IL6ST: variants seen among roughly 807,000 people sequenced by gnomAD.
IL6ST encodes interleukin-6 receptor subunit beta.
IL6ST carries 24 observed loss-of-function variants against 91.3 expected under a neutral mutation model. The observed-to-expected ratio is 0.26, with a 90% confidence interval of 0.19 to 0.37. The LOEUF (loss-of-function observed/expected upper bound fraction) is 0.37, where lower values mean the gene tolerates loss of function less well. IL6ST is among the 10% of genes least tolerant of loss of function. The probability of loss-of-function intolerance (pLI) is 1.00; values close to 1 mark genes in which losing one functional copy is unlikely to be tolerated. For missense variants in IL6ST, 914 were observed against 1,078.5 expected (o/e 0.85, Z 2.14); for synonymous variants, 351 against 373.6 (o/e 0.94, Z 0.70).
At chr5:55,955,943 T>G in intron 10 of IL6ST, 82 bp downstream of exon 10, 1 of 813,976 alleles carries the variant, frequency 1.2e-6, no homozygotes, top group South Asian at 1.5e-5. Flanking sequence ...CTTAGATAAC[T>G]TGTGTTTTTT....
intron 15 of IL6ST, among the ~76,000 whole-genome samples, chr5:55,947,165 C>G (rs538049380): frequency 1.6e-4 from 24 of 152,236 alleles, no homozygotes; most frequent in Admixed American, 3.3e-4. Flanking sequence ...CACCACTGCA[C>G]TCCATCCTGG....
Position 55,970,508 on chromosome 5 carries a change from G to A in IL6ST, c.65-653C>T, listed in dbSNP as rs1313851952. 5.9e-5 allele frequency among the ~76,000 whole-genome samples: 9 copies of A among 152,164 alleles called. No individual in the cohort carries two copies. The East Asian group carries it at 9.7e-4, about 16-fold the overall frequency. On this transcript the variant is annotated intron_variant, in intron 3 of 16. Transcript: ENST00000381298. ...TTGAAACCAGCTTGGGCAACATAGG[G>A]AGATGCCATCTGTACTAAAAACAAA...
At chr5:55,960,690 C>T (rs1752258741) in intron 7 of IL6ST, 129 bp from the exon 8 acceptor site, 17 of 723,062 alleles carry the variant, frequency 2.4e-5, no homozygotes, top group Admixed American at 9.4e-5. Context: ...TGCAGTGGTG[C>T]GATCTTGGCT....
chr5:55,948,286 G>A (rs1322342682), intron 14 of IL6ST, among the ~76,000 whole-genome samples: 1 of 152,106 alleles, frequency 6.6e-6, no homozygotes, highest in African/African-American at 2.4e-5. Context: ...CACTAATTGG[G>A]ATAATTAACA....
intron 2 of IL6ST, among the ~76,000 whole-genome samples, chr5:55,977,599 G>A (rs13183065): frequency 0.12 from 18,527 of 152,124 alleles, 1,213 homozygotes; most frequent in Middle Eastern, 0.15. Flanking sequence ...GCCGAGGTGG[G>A]CAGATCACTT....
intron 4 of IL6ST, 95 bp downstream of exon 4, chr5:55,969,455 C>T: frequency 1.2e-6 from 1 of 829,856 alleles, no homozygotes; most frequent in Non-Finnish European, 1.8e-6. Flanking sequence ...ACTAAGTCCA[C>T]AAGTTACTAC....
chr5:55,951,564 G>C lies in IL6ST; in HGVS notation c.1740C>G (p.Ser580=). Reference sequence around the variant, plus strand: ...TGTACAATGTGTCACTAGTCAAAGAGGACAATGTATATTCTGTGTGGGAAG... The same window carrying C: ...TGTACAATGTGTCACTAGTCAAAGACGACAATGTATATTCTGTGTGGGAAG... ...VDSSHTEYTL[S]SLTSDTLYMV... Residue 580 remains serine (S), a synonymous_variant, in exon 14 of 17, where the codon TCC becomes TCG. Transcript: ENST00000381298. The C allele has an allele frequency of 1.2e-6, 2 of 1,612,376 alleles. No individual in the cohort carries two copies. Among genetic ancestry groups the C allele is most frequent in the Non-Finnish European group, 8.5e-7 (1 of 1,178,556 alleles).
chr5:55,974,850 T>G (rs780992116), intron 3 of IL6ST, among the ~76,000 whole-genome samples: 5 of 151,746 alleles, frequency 3.3e-5, no homozygotes, highest in Admixed American at 6.6e-5. Context: ...TTATCACCAT[T>G]TCATAGATCA....
intron 15 of IL6ST, chr5:55,944,599 G>A (rs1041900735): frequency 9.0e-5 from 55 of 610,308 alleles, no homozygotes; most frequent in Non-Finnish European, 1.4e-4. Context: ...ACTCAGTAGC[G>A]TTAAGACTGC....
At chr5:55,976,739 C>A (rs548638900) in intron 2 of IL6ST, among the ~76,000 whole-genome samples, 20 of 152,264 alleles carry the variant, frequency 1.3e-4, no homozygotes, top group African/African-American at 4.6e-4. Context: ...AAAATTCTAA[C>A]ACCTAATAGA....
chr5:55,966,411 G>C (rs1752633638), intron 5 of IL6ST, among the ~76,000 whole-genome samples: 1 of 152,174 alleles, frequency 6.6e-6, no homozygotes, highest in Non-Finnish European at 1.5e-5. Flanking sequence ...TGTTAGTCAT[G>C]TTCTATGTCT....
At position 55,939,100 on chromosome 5, in the gene IL6ST, A is replaced by T. The variant is rs1750718143; in HGVS notation, c.*1982T>A. 9.7e-6 allele frequency: 2 copies of T among 206,982 alleles called. No homozygotes were observed. Among genetic ancestry groups the T allele is most frequent in the Non-Finnish European group, 9.9e-6 (1 of 101,398 alleles). The allele number at this position is 206,982 out of a possible 1,614,324, so 12.8% of individuals were successfully genotyped here. A position where few individuals can be genotyped will look rare whatever the true frequency, so the allele number is the denominator to read the frequency against. On this transcript the variant is annotated 3_prime_UTR_variant, in exon 17 of 17. Coordinates refer to ENST00000381298, the MANE Select transcript of IL6ST (RefSeq NM_002184.4). Reference sequence around the variant, plus strand: ...GTTGCAGCTAAATATTAGTCATGTGACTTAAATTTTGAGAAAATGGAAAAT... The same window carrying T: ...GTTGCAGCTAAATATTAGTCATGTGTCTTAAATTTTGAGAAAATGGAAAAT...
intron 8 of IL6ST, chr5:55,959,726 G>A: frequency 2.3e-6 from 2 of 869,580 alleles, no homozygotes; most frequent in Non-Finnish European, 3.3e-6. Flanking sequence ...TTGATAGTGG[G>A]GATCTAAGGT....
chr5:55,952,388 T>C (rs750174133), intron 11 of IL6ST, 37 bp from the exon 12 acceptor site: 3 of 1,263,340 alleles, frequency 2.4e-6, no homozygotes, highest in Non-Finnish European at 3.4e-6. Flanking sequence ...TGTTTTTCCA[T>C]AATGAAAAAG....
At chr5:55,954,309 G>C (rs1751826733) in intron 11 of IL6ST, among the ~76,000 whole-genome samples, 1 of 152,130 alleles carries the variant, frequency 6.6e-6, no homozygotes, top group African/African-American at 2.4e-5. Context: ...CACTTAAGCA[G>C]CACCATAACA....
chr5:55,960,291 T>C, intron 8 of IL6ST, 111 bp downstream of exon 8: 1 of 824,258 alleles, frequency 1.2e-6, no homozygotes, highest in Admixed American at 2.4e-5. Context: ...TACTGCAGTT[T>C]GAATAAAATG....
At chr5:55,978,650 G>A (rs571699361) in intron 2 of IL6ST, among the ~76,000 whole-genome samples, 3 of 152,322 alleles carry the variant, frequency 2.0e-5, no homozygotes, top group Non-Finnish European at 4.4e-5. Flanking sequence ...GCTTGAACCT[G>A]GGAGGCGGAG....
At chr5:55,983,996 C>A (rs1331585463) in intron 1 of IL6ST, among the ~76,000 whole-genome samples, 1 of 150,132 alleles carries the variant, frequency 6.7e-6, no homozygotes, top group Non-Finnish European at 1.5e-5. Context: ...GTTTCTTATA[C>A]CCCTTTACTG....
chr5:55,987,792 T>A (rs1024298363), intron 1 of IL6ST, among the ~76,000 whole-genome samples: 2 of 152,198 alleles, frequency 1.3e-5, no homozygotes, highest in African/African-American at 4.8e-5. Flanking sequence ...TTAACAGCTG[T>A]TATTATTAGT....
Sources: gnomAD v4.1 joint callset for allele counts (sites outside exome capture counted in the v4.1 genomes callset) on GRCh38, gnomAD v4.1.1 for gene constraint, MANE v1.5 for transcripts, NCBI Gene and HGNC (gene_info 2026-07-23, HGNC 2026-07-21) for gene names.